The following COL4A6 variants were observed in gnomAD, a reference collection of about 807,000 sequenced individuals.
The protein encoded by COL4A6 is collagen type IV alpha 6 chain.
COL4A6 carries 59 observed loss-of-function variants against 126.7 expected under a neutral mutation model. The ratio of observed to expected loss-of-function variants is 0.47; its 90% confidence interval spans 0.38 to 0.58. The LOEUF (loss-of-function observed/expected upper bound fraction) is 0.58. COL4A6 is among the 20% of genes least tolerant of loss of function. COL4A6 has a pLI of 0.00. For synonymous variants in COL4A6, 547 were observed against 496.6 expected (o/e 1.10, Z -1.35); for missense variants, 1,285 against 1,337.3 (o/e 0.96, Z 0.61).
chrX:108,251,624 G>A (rs1299469746), intron 3 of COL4A6, among the ~76,000 whole-genome samples: 1 of 111,960 alleles, frequency 8.9e-6, no homozygotes, highest in Non-Finnish European at 1.9e-5. Flanking sequence ...AACAGTGAAT[G>A]AAATAGACAA....
At chrX:108,414,797 C>T (rs1180040782) in intron 2 of COL4A6, among the ~76,000 whole-genome samples, 3 of 110,130 alleles carry the variant, frequency 2.7e-5, no homozygotes, top group Non-Finnish European at 5.7e-5. Flanking sequence ...GTCTCAAAAA[C>T]AAAAAGAATA....
chrX:108,231,128 C>T (rs1275214133), intron 3 of COL4A6, among the ~76,000 whole-genome samples: 1 of 110,389 alleles, frequency 9.1e-6, no homozygotes, highest in Non-Finnish European at 1.9e-5. Context: ...TACATAGTGA[C>T]TGATGTCTTG....
intron 3 of COL4A6, 102 bp from the exon 4 acceptor site, chrX:108,221,476 A>AT: frequency 3.0e-6 from 3 of 986,527 alleles, no homozygotes; most frequent in Non-Finnish European, 2.7e-6. Context: ...TCACTGAATA[A>AT]TTTTGGCTAA....
chrX:108,250,710 T>C (rs1045380661), intron 3 of COL4A6, among the ~76,000 whole-genome samples: 1 of 111,534 alleles, frequency 9.0e-6, no homozygotes, highest in East Asian at 2.8e-4. Context: ...CCAGAATTCA[T>C]GACCGTGCAG....
chrX:108,399,181 A>C (rs2041033495), intron 2 of COL4A6, among the ~76,000 whole-genome samples: 1 of 111,439 alleles, frequency 9.0e-6, no homozygotes, highest in Non-Finnish European at 1.9e-5. Context: ...TGGATTTCTC[A>C]TAAATGAAAA....
At chrX:108,309,203 T>C (rs1464826240) in intron 3 of COL4A6, among the ~76,000 whole-genome samples, 1 of 110,850 alleles carries the variant, frequency 9.0e-6, no homozygotes, top group Non-Finnish European at 1.9e-5. Context: ...CAAGAATGTG[T>C]TCATATATTT....
chrX:108,392,257 A>G (rs1399048519), intron 2 of COL4A6, among the ~76,000 whole-genome samples: 1 of 111,905 alleles, frequency 8.9e-6, no homozygotes, highest in Non-Finnish European at 1.9e-5. Context: ...GAAAAAGAAT[A>G]GAGTGGATTT....
intron 3 of COL4A6, among the ~76,000 whole-genome samples, chrX:108,258,026 T>A (rs1436302332): frequency 9.0e-6 from 1 of 111,621 alleles, no homozygotes; most frequent in East Asian, 2.8e-4. Context: ...GGGCTAATGT[T>A]GGCAGTCAGA....
chrX:108,264,284 C>T (rs1213262061), intron 3 of COL4A6, among the ~76,000 whole-genome samples: 1 of 111,776 alleles, frequency 8.9e-6, no homozygotes, highest in African/African-American at 3.2e-5. Context: ...ATTGGGTTAA[C>T]AGAGGACCTC....
At chrX:108,186,488 C>T (rs1215035161) in intron 23 of COL4A6, among the ~76,000 whole-genome samples, 1 of 112,250 alleles carries the variant, frequency 8.9e-6, no homozygotes, top group Non-Finnish European at 1.9e-5. Context: ...TTGGGATGAA[C>T]AGCTGTTCTG....
chrX:108,252,868 T>C (rs61623256), intron 3 of COL4A6, among the ~76,000 whole-genome samples: 5,078 of 111,731 alleles, frequency 0.045, 248 homozygotes, highest in African/African-American at 0.14. Context: ...TGAATCAATG[T>C]GATAAACCAC....
rs148124206 is a variant in COL4A6, at chrX:108,197,648, C to T, written c.835-1069G>A. 1.8e-4 allele frequency among the ~76,000 whole-genome samples: 20 copies of T among 111,399 alleles called. No individual in the cohort carries two copies. The East Asian group carries it at 5.4e-3, about 30-fold the overall frequency. On this transcript the variant is annotated intron_variant, in intron 13 of 44. Transcript: ENST00000334504. ...CATACTCAGTGCACTCCCATGAGTA[C>T]TGAAAGCTGGTTAAGGACCCCTTGG...
chrX:108,425,943 T>G (rs1296059265), intron 2 of COL4A6, among the ~76,000 whole-genome samples: 1 of 111,518 alleles, frequency 9.0e-6, no homozygotes. Context: ...TGAAAAATGT[T>G]CTAATAGAGT....
chrX:108,343,165 A>ATATATATATAGT (rs1377817612), intron 2 of COL4A6, among the ~76,000 whole-genome samples: 1 of 31,414 alleles, frequency 3.2e-5, no homozygotes, highest in African/African-American at 9.1e-5. Context: ...ATATATATAT[A>ATATATATATAGT]GTGTGTGTGT....
intron 2 of COL4A6, among the ~76,000 whole-genome samples, chrX:108,339,974 C>T (rs1235350604): frequency 9.0e-6 from 1 of 111,481 alleles, no homozygotes; most frequent in Non-Finnish European, 1.9e-5. Context: ...CAAGCCCATG[C>T]CCAGGACCCT....
chrX:108,161,443 A>G (rs189457185), intron 42 of COL4A6, among the ~76,000 whole-genome samples, 176 bp downstream of exon 42: 56 of 111,772 alleles, frequency 5.0e-4, no homozygotes, highest in Middle Eastern at 4.6e-3. Flanking sequence ...TCACAGGCTC[A>G]GAGGGTAGTG....
intron 2 of COL4A6, among the ~76,000 whole-genome samples, chrX:108,395,454 G>A (rs1430751765): frequency 8.9e-6 from 1 of 111,955 alleles, no homozygotes. Context: ...AATCTCAAAA[G>A]AAAAGAACTA....
At chrX:108,241,906 T>C (rs1373971272) in intron 3 of COL4A6, among the ~76,000 whole-genome samples, 3 of 110,780 alleles carry the variant, frequency 2.7e-5, no homozygotes, top group Admixed American at 9.7e-5. Flanking sequence ...TAACATCTTA[T>C]GTAACTATTG....
chrX:108,434,881 A>C (rs187739367), intron 2 of COL4A6, among the ~76,000 whole-genome samples: 134 of 110,237 alleles, frequency 1.2e-3, no homozygotes, highest in African/African-American at 4.2e-3. Flanking sequence ...AAAGTAGAAG[A>C]GTACTTTAAG....
Sources: gnomAD v4.1 joint callset for allele counts (sites outside exome capture counted in the v4.1 genomes callset) on GRCh38, gnomAD v4.1.1 for gene constraint, MANE v1.5 for transcripts, NCBI Gene and HGNC (gene_info 2026-07-23, HGNC 2026-07-21) for gene names.